Variants in MANEA observed in about 807,000 individuals in gnomAD.
MANEA encodes the protein mannosidase endo-alpha.
MANEA carries 25 observed loss-of-function variants against 36.8 expected under a neutral mutation model. That is an observed-to-expected ratio of 0.68 (90% CI 0.50 to 0.95). The LOEUF (loss-of-function observed/expected upper bound fraction) is 0.95, where lower values mean the gene tolerates loss of function less well. Among genes scored for constraint, MANEA ranks in the 40% least tolerant of loss-of-function variants. The probability of loss-of-function intolerance (pLI) is 0.00; values close to 1 mark genes in which losing one functional copy is unlikely to be tolerated. For synonymous variants in MANEA, 198 were observed against 188.5 expected, an observed-to-expected ratio of 1.05 and a Z score of -0.41; for missense variants, 565 against 558.8, an observed-to-expected ratio of 1.01 and a Z score of -0.11.
chr6:95,586,252 G>A lies in MANEA; in HGVS notation c.-38-150G>A, dbSNP rs192718473. ...ATTTATATATGATGATATAATTAATGTCTTCACTTTCTTAATTTCACCAAT... is the reference window on the plus strand; with the variant it reads ...ATTTATATATGATGATATAATTAATATCTTCACTTTCTTAATTTCACCAAT... On this transcript the variant is annotated intron_variant, in intron 1 of 4. Coordinates refer to ENST00000358812, the MANE Select transcript of MANEA (RefSeq NM_024641.4). 4.0e-3 allele frequency: 2,316 copies of A among 580,520 alleles called. 16 individuals are homozygous for A. Among genetic ancestry groups the A allele is most frequent in the Non-Finnish European group, 5.5e-3 (1,820 of 331,116 alleles). The allele number at this position is 580,520 out of a possible 1,614,324, so 36.0% of individuals were successfully genotyped here.
rs67335804 is a variant in MANEA, at chr6:95,601,716, A to ATTTTTTTTTTTTTTTTTTTTTT, written c.655-3104_655-3083dup. ...AAAAGAAAATTAGGCAGATTCAGTG[A>ATTTTTTTTTTTTTTTTTTTTTT]TTTTTTTTTTTTTTTTTTTTTTTTT... On this transcript the variant is annotated intron_variant, in intron 3 of 4. Transcript: ENST00000358812. Among the ~76,000 whole-genome samples the ATTTTTTTTTTTTTTTTTTTTTT allele has an allele frequency of 6.2e-4, 40 of 64,990 alleles. 5 individuals are homozygous for ATTTTTTTTTTTTTTTTTTTTTT. The highest frequency in any genetic ancestry group is 7.0e-4 in the African/African-American group (11 of 15,770). The allele number at this position is 64,990 out of a possible 152,430, so 42.6% of individuals were successfully genotyped here. A position where few individuals can be genotyped will look rare whatever the true frequency, so the allele number is the denominator to read the frequency against.
At chr6:95,596,613 A>T (rs1769487397) in intron 2 of MANEA, 124 bp from the exon 3 acceptor site, 2 of 546,638 alleles carry the variant, frequency 3.7e-6, no homozygotes, top group Non-Finnish European at 6.6e-6. Flanking sequence ...GAAGGAACTT[A>T]ACAAAACCAC....
intron 3 of MANEA, among the ~76,000 whole-genome samples, chr6:95,598,133 C>T (rs1395658500): frequency 1.3e-5 from 2 of 152,006 alleles, no homozygotes; most frequent in East Asian, 1.9e-4. Context: ...CAAATGTCTT[C>T]CCCAAAGTGT....
In MANEA at chr6:95,606,142, C is replaced by T. The variant is rs765302262; in HGVS notation, c.1126C>T (p.Arg376Ter). ...RPWNTQNTRN[R>*]INGKYYEIGL... ...ATGGAACACGCAAAACACTCGGAAC[C>T]GAATCAATGGGAAGTATTATGAAAT... is the stretch of plus-strand genomic sequence containing the variant. The change falls in exon 5 of 5, where the codon CGA becomes TGA. Residue 376 changes from arginine to a stop codon, truncating the protein, a stop_gained. Coordinates refer to ENST00000358812, the MANE Select transcript of MANEA (RefSeq NM_024641.4). LOFTEE classifies it high-confidence loss of function. 10 of 1,613,846 alleles carry T rather than the reference C, an allele frequency of 6.2e-6. No individual in the cohort carries two copies. Among genetic ancestry groups the T allele is most frequent in the African/African-American group, 5.3e-5 (4 of 74,860 alleles).
At chr6:95,593,021 G>T (rs890605757) in intron 2 of MANEA, among the ~76,000 whole-genome samples, 4 of 152,140 alleles carry the variant, frequency 2.6e-5, no homozygotes, top group African/African-American at 9.7e-5. Flanking sequence ...TTTGCATTTA[G>T]TTTGCTAATA....
chr6:95,605,977 T>C lies in MANEA; in HGVS notation c.961T>C (p.Tyr321His), dbSNP rs1200764886. The C allele has an allele frequency of 5.0e-6, 8 of 1,614,058 alleles. No homozygotes were observed. The highest frequency in any genetic ancestry group is 6.8e-6 in the Non-Finnish European group (8 of 1,179,976). Residue 321 changes from tyrosine to histidine, a missense_variant, in exon 5 of 5, where the codon TAC becomes CAC. Transcript: ENST00000358812. ...TCTTCAAAGTGGTTTTGATGGAATT[T>C]ACACATATTTTGCCACAAATGGCTT... Reference protein sequence around the residue: ...DILQSGFDGIYTYFATNGFTY... With the variant: ...DILQSGFDGIHTYFATNGFTY...
chr6:95,588,019 G>A (rs181455265), intron 2 of MANEA, among the ~76,000 whole-genome samples: 54 of 151,772 alleles, frequency 3.6e-4, no homozygotes, highest in Middle Eastern at 3.4e-3. Flanking sequence ...TGTTCCCACC[G>A]CTTCTCACCT....
intron 1 of MANEA, among the ~76,000 whole-genome samples, chr6:95,580,724 CAAAA>C (rs67844240): frequency 1.5e-4 from 9 of 59,802 alleles, no homozygotes; most frequent in Non-Finnish European, 2.3e-4. Flanking sequence ...GACGCCGTCT[CAAAA>C]AAAAAAAAAA....
At chr6:95,593,768 C>T (rs1769432422) in intron 2 of MANEA, among the ~76,000 whole-genome samples, 1 of 152,174 alleles carries the variant, frequency 6.6e-6, no homozygotes, top group South Asian at 2.1e-4. Flanking sequence ...AAAAGACTGG[C>T]TGGGTGTGGT....
chr6:95,580,283 T>G (rs1460753212), intron 1 of MANEA, among the ~76,000 whole-genome samples: 1 of 152,140 alleles, frequency 6.6e-6, no homozygotes, highest in Non-Finnish European at 1.5e-5. Context: ...AGAAATTAAC[T>G]TTTTTAAAGC....
intron 2 of MANEA, among the ~76,000 whole-genome samples, chr6:95,592,699 A>T (rs182011110): frequency 2.6e-5 from 4 of 152,142 alleles, no homozygotes; most frequent in African/African-American, 9.7e-5. Flanking sequence ...AGTGTTATTT[A>T]TAATCACTTT....
chr6:95,600,105 G>A (rs894042635), intron 3 of MANEA, among the ~76,000 whole-genome samples: 21 of 152,130 alleles, frequency 1.4e-4, no homozygotes, highest in African/African-American at 4.1e-4. Flanking sequence ...GGATTGGTTG[G>A]CTTTTTCTCC....
chr6:95,586,399 C>A lies in MANEA; in HGVS notation c.-38-3C>A, dbSNP rs774356150. 3.4e-6 allele frequency: 5 copies of A among 1,482,376 alleles called. No individual in the cohort carries two copies. The highest frequency in any genetic ancestry group is 3.7e-6 in the Non-Finnish European group (4 of 1,090,150). The allele number at this position is 1,482,376 out of a possible 1,614,324, so 91.8% of individuals were successfully genotyped here. A position where few individuals can be genotyped will look rare whatever the true frequency, so the allele number is the denominator to read the frequency against. The stretch of plus-strand genomic sequence containing the variant: ...CTAATTATCTTTTTTCAATAAATTG[C>A]AGCAAAACACTTACTATTTTGGAGT... On this transcript the variant is annotated splice_polypyrimidine_tract_variant and splice_region_variant and intron_variant, in intron 1 of 4. Transcript: ENST00000358812.
intron 2 of MANEA, chr6:95,587,421 C>T (rs1769310235): frequency 5.8e-6 from 1 of 171,018 alleles, no homozygotes; most frequent in Non-Finnish European, 1.3e-5. Context: ...ACCTTCTCCC[C>T]TACCGCTGAA....
chr6:95,599,294 T>C (rs922009433), intron 3 of MANEA, among the ~76,000 whole-genome samples: 1 of 151,988 alleles, frequency 6.6e-6, no homozygotes, highest in Non-Finnish European at 1.5e-5. Context: ...ACACCTGTAG[T>C]CCCAGCTACT....
intron 1 of MANEA, among the ~76,000 whole-genome samples, chr6:95,578,165 C>A (rs1266484725): frequency 6.6e-6 from 1 of 152,242 alleles, no homozygotes; most frequent in East Asian, 1.9e-4. Context: ...ATGGCGAGGC[C>A]GCTAGAGATG....
Position 95,595,629 on chromosome 6 carries a change from A to T in MANEA, c.545-1108A>T, listed in dbSNP as rs138022446. 6.9e-4 allele frequency among the ~76,000 whole-genome samples: 105 copies of T among 152,106 alleles called. 1 individual carries two copies. Among genetic ancestry groups the T allele is most frequent in the African/African-American group, 2.4e-3 (98 of 41,504 alleles). ...TTCTCTTTTGGTACCATTATTATTT[A>T]TTTCTCTGCCTTAAAGAGTCTGTTT... On this transcript the variant is annotated intron_variant, in intron 2 of 4. Coordinates refer to ENST00000358812, the MANE Select transcript of MANEA (RefSeq NM_024641.4).
chr6:95,585,159 C>CAA (rs1769257663), intron 1 of MANEA, among the ~76,000 whole-genome samples: 1 of 151,562 alleles, frequency 6.6e-6, no homozygotes, highest in African/African-American at 2.4e-5. Flanking sequence ...TATACACACA[C>CAA]AACAATAATG....
chr6:95,597,612 G>C (rs1769505057), intron 3 of MANEA, among the ~76,000 whole-genome samples: 2 of 151,730 alleles, frequency 1.3e-5, no homozygotes, highest in African/African-American at 4.8e-5. Context: ...TCAGTACCAT[G>C]GAATGTTAAT....
Sources: allele counts gnomAD v4.1 joint callset (sites outside exome capture counted in the v4.1 genomes callset), GRCh38; gene constraint gnomAD v4.1.1; transcripts MANE v1.5; gene names NCBI Gene and HGNC (gene_info 2026-07-23, HGNC 2026-07-21).